Variants in GTF2IRD1 observed in about 807,000 individuals in gnomAD.
The protein encoded by GTF2IRD1 is general transcription factor II-I repeat domain-containing protein 1.
In GTF2IRD1, 26 loss-of-function variants were observed where a neutral mutation model predicts 113.2. The ratio of observed to expected loss-of-function variants is 0.23; its 90% CI spans 0.17 to 0.32. GTF2IRD1 has a LOEUF of 0.32. Ranked by LOEUF, GTF2IRD1 falls within the 10% of genes least tolerant of loss-of-function variation. GTF2IRD1 has a pLI of 1.00. For synonymous variants in GTF2IRD1, 484 were observed against 529.1 expected, an observed-to-expected ratio of 0.91 and a Z score of 1.17; for missense variants, 864 against 1,280.8, an observed-to-expected ratio of 0.67 and a Z score of 4.97.
intron 22 of GTF2IRD1, among the ~76,000 whole-genome samples, chr7:74,579,076 C>T (rs1554365350): frequency 6.6e-6 from 1 of 151,800 alleles, no homozygotes; most frequent in Non-Finnish European, 1.5e-5. Flanking sequence ...AATCCCAACA[C>T]TTTGGGAGGC....
chr7:74,572,514 T>A, intron 22 of GTF2IRD1: 3 of 880,986 alleles, frequency 3.4e-6, no homozygotes, highest in Non-Finnish European at 4.1e-6. Flanking sequence ...TGATCTTGGA[T>A]GAGTTAACTG....
chr7:74,518,299 C>T lies in GTF2IRD1; in HGVS notation c.582C>T (p.His194=), dbSNP rs1554345154. Residue 194 remains histidine (H), a synonymous_variant, in exon 5 of 27, where the codon CAC becomes CAT. Transcript: ENST00000424337. ...TCATGGCCATCCTGGAACACAGCCACCGCATCCGCTTCAAGCTCAAGAGGT... is the reference window on the plus strand; with the variant it reads ...TCATGGCCATCCTGGAACACAGCCATCGCATCCGCTTCAAGCTCAAGAGGT... The part of the protein sequence containing the change: ...KALMAILEHS[H]RIRFKLKRPL... 1 of 1,601,340 alleles carries T rather than the reference C, an allele frequency of 6.2e-7. No homozygotes were observed. Among genetic ancestry groups the T allele is most frequent in the Non-Finnish European group, 8.5e-7 (1 of 1,171,254 alleles).
chr7:74,466,233 T>G (rs1383581767), intron 1 of GTF2IRD1, among the ~76,000 whole-genome samples: 7 of 151,988 alleles, frequency 4.6e-5, no homozygotes, highest in African/African-American at 1.7e-4. Context: ...TGTGGCTGCT[T>G]AGGGGACGGG....
At chr7:74,538,888 G>A (rs1315906528) in intron 13 of GTF2IRD1, 128 bp downstream of exon 13, 13 of 628,142 alleles carry the variant, frequency 2.1e-5, no homozygotes, top group East Asian at 5.4e-5. Flanking sequence ...GAGAGCCATC[G>A]GGGTACTGTG....
chr7:74,501,915 A>C (rs1391396953), intron 1 of GTF2IRD1, among the ~76,000 whole-genome samples: 1 of 151,888 alleles, frequency 6.6e-6, no homozygotes, highest in Non-Finnish European at 1.5e-5. Flanking sequence ...GCCTCCCAAA[A>C]TGCTGGGATT....
intron 1 of GTF2IRD1, among the ~76,000 whole-genome samples, chr7:74,482,922 C>T (rs1256338264): frequency 6.6e-6 from 1 of 152,206 alleles, no homozygotes; most frequent in East Asian, 1.9e-4. Flanking sequence ...TCAGGTCTTG[C>T]GCTGAAATTC....
At position 74,464,682 on chromosome 7, in the gene GTF2IRD1, G is replaced by C. The variant is rs550998179; in HGVS notation, c.-7+10506G>C. Among the ~76,000 whole-genome samples, 361 of 152,080 alleles carry C rather than the reference G, an allele frequency of 2.4e-3. 3 individuals carry two copies. The highest frequency in any genetic ancestry group is 3.4e-4 in the Non-Finnish European group (23 of 67,976). On this transcript the variant is annotated intron_variant, in intron 1 of 26. Transcript: ENST00000424337. ...AGGCTGGTCTCGAACCCCTGACCTC[G>C]AGTGATCCACCTGCCTCAGCCTCCC...
At chr7:74,561,644 G>C (rs1414919677) in intron 22 of GTF2IRD1, among the ~76,000 whole-genome samples, 1 of 152,080 alleles carries the variant, frequency 6.6e-6, no homozygotes, top group Non-Finnish European at 1.5e-5. Flanking sequence ...GAGAGTGGAA[G>C]CTGCAGCAGC....
chr7:74,582,857 T>C (rs2130950174), intron 22 of GTF2IRD1, among the ~76,000 whole-genome samples: 1 of 151,942 alleles, frequency 6.6e-6, no homozygotes, highest in East Asian at 1.9e-4. Flanking sequence ...AAATGTAGCC[T>C]GGGCAACATA....
chr7:74,545,764 C>T lies in GTF2IRD1; in HGVS notation c.1687C>T (p.Arg563Trp), dbSNP rs782037739. The change falls in exon 16 of 27, where the codon CGG becomes TGG. Residue 563 changes from arginine (R) to tryptophan (W), a missense_variant. Physicochemically the swap from Arg to Trp is moderately radical, Grantham distance 101. Transcript: ENST00000424337. ...TCCAGACAGCCACGGTGACGTGATC[C>T]GGCCCCTGCGGAAGCAGGTGGAGCT... ...PVEDSHGDVI[R>W]PLRKQVELLF... is the part of the protein sequence containing the mutation. 9 of 1,612,824 alleles carry T rather than the reference C, an allele frequency of 5.6e-6. No homozygotes were observed. The highest frequency in any genetic ancestry group is 4.0e-5 in the African/African-American group (3 of 74,888).
intron 1 of GTF2IRD1, among the ~76,000 whole-genome samples, chr7:74,502,684 G>A (rs1455177615): frequency 2.0e-5 from 3 of 152,202 alleles, no homozygotes; most frequent in Non-Finnish European, 4.4e-5. Context: ...TCAGGGTCCG[G>A]GCAGGCCTCC....
intron 1 of GTF2IRD1, among the ~76,000 whole-genome samples, chr7:74,479,038 T>C (rs868928725): frequency 2.2e-4 from 33 of 152,222 alleles, no homozygotes; most frequent in African/African-American, 7.2e-4. Flanking sequence ...CGCCAGCTCC[T>C]GGTCCCAAAG....
At chr7:74,489,320 GAGA>G (rs1436332054) in intron 1 of GTF2IRD1, among the ~76,000 whole-genome samples, 2 of 152,044 alleles carry the variant, frequency 1.3e-5, no homozygotes, top group Non-Finnish European at 2.9e-5. Context: ...TCACATGCAG[GAGA>G]AGGAGGACAT....
At chr7:74,496,886 G>T (rs782540613) in intron 1 of GTF2IRD1, among the ~76,000 whole-genome samples, 3 of 152,090 alleles carry the variant, frequency 2.0e-5, no homozygotes, top group African/African-American at 7.2e-5. Context: ...TTAAGGCCAG[G>T]CATGGTGGCT....
intron 15 of GTF2IRD1, among the ~76,000 whole-genome samples, chr7:74,545,228 A>G (rs587610884): frequency 6.4e-4 from 97 of 152,196 alleles, no homozygotes; most frequent in African/African-American, 2.2e-3. Context: ...GAATGGAAGT[A>G]GGACAGAGAG....
At chr7:74,574,455 A>T (rs77916023) in intron 22 of GTF2IRD1, among the ~76,000 whole-genome samples, 5 of 128,210 alleles carry the variant, frequency 3.9e-5, no homozygotes, top group Admixed American at 3.2e-4. Flanking sequence ...AGATACTGGA[A>T]TTTTTTTTTT....
intron 1 of GTF2IRD1, among the ~76,000 whole-genome samples, chr7:74,465,982 G>T (rs1793683272): frequency 6.6e-6 from 1 of 152,192 alleles, no homozygotes; most frequent in African/African-American, 2.4e-5. Context: ...TGTTGCCCAG[G>T]CTGGTCTTGA....
chr7:74,475,512 G>A (rs1554333375), intron 1 of GTF2IRD1, among the ~76,000 whole-genome samples: 2 of 152,174 alleles, frequency 1.3e-5, no homozygotes, highest in South Asian at 2.1e-4. Context: ...TTGGTGAGGG[G>A]CTGCCCTGCC....
At chr7:74,537,136 A>G (rs1357717428) in intron 11 of GTF2IRD1, among the ~76,000 whole-genome samples, 21 of 151,056 alleles carry the variant, frequency 1.4e-4, no homozygotes, top group Non-Finnish European at 3.0e-4. Flanking sequence ...GCAGCTGGGC[A>G]TGATGGCTCA....
Sources: gnomAD v4.1 joint callset for allele counts (sites outside exome capture counted in the v4.1 genomes callset) on GRCh38, gnomAD v4.1.1 for gene constraint, MANE v1.5 for transcripts, NCBI Gene and HGNC (gene_info 2026-07-23, HGNC 2026-07-21) for gene names.